The following FOXK1 variants were observed in gnomAD, a reference collection of about 807,000 sequenced individuals.
FOXK1 encodes forkhead box protein K1.
Under a neutral mutation model 51.9 loss-of-function variants are expected in FOXK1, and 19 were observed. The ratio of observed to expected loss-of-function variants is 0.37; its 90% confidence interval spans 0.26 to 0.54. The LOEUF (loss-of-function observed/expected upper bound fraction) is 0.54. Among genes scored for constraint, FOXK1 ranks in the 20% least tolerant of loss-of-function variants. The probability of loss-of-function intolerance (pLI) is 0.87; values close to 1 mark genes in which losing one functional copy is unlikely to be tolerated. For synonymous variants in FOXK1, 537 were observed against 482.6 expected (o/e 1.11, Z -1.48); for missense variants, 870 against 1,032.7 (o/e 0.84, Z 2.16).
intron 2 of FOXK1, 36 bp downstream of exon 2, chr7:4,741,059 G>T: frequency 7.1e-7 from 1 of 1,415,580 alleles, no homozygotes. Context: ...GGGCCCCCAG[G>T]AGAGAGGGGG....
At chr7:4,702,858 C>T (rs1358028065) in intron 1 of FOXK1, among the ~76,000 whole-genome samples, 4 of 152,178 alleles carry the variant, frequency 2.6e-5, no homozygotes, top group Admixed American at 2.6e-4. Context: ...TTCCTCTTCT[C>T]AGCTCTGACC....
intron 3 of FOXK1, chr7:4,754,840 C>T: frequency 3.1e-6 from 2 of 635,128 alleles, no homozygotes; most frequent in East Asian, 5.6e-5. Context: ...GTGGCGCCGT[C>T]ACCGAGGGCC....
rs915606404 is a variant in FOXK1, at chr7:4,731,954, G to C, written c.561-8884G>C. ...GCATGGAGACCTGAGGCCACACGGA[G>C]GCCGGGCTGGCCAGGGCGGGGCTCA... On this transcript the variant is annotated intron_variant, in intron 1 of 8. Transcript: ENST00000328914. This position sits in a 1 kb window ranked among gnomAD's most constrained non-coding sequence, Gnocchi z 5.3. Among the ~76,000 whole-genome samples, 3 of 152,184 alleles carry C rather than the reference G, an allele frequency of 2.0e-5. No individual in the cohort carries two copies. Among genetic ancestry groups the C allele is most frequent in the Admixed American group, 6.5e-5 (1 of 15,278 alleles).
intron 1 of FOXK1, among the ~76,000 whole-genome samples, chr7:4,712,776 C>T (rs551232619): frequency 1.1e-4 from 17 of 152,266 alleles, no homozygotes; most frequent in African/African-American, 3.6e-4. Context: ...TGTTCAAATC[C>T]GTTTATGATT....
chr7:4,746,156 G>C (rs1314110195), intron 2 of FOXK1, among the ~76,000 whole-genome samples: 1 of 152,108 alleles, frequency 6.6e-6, no homozygotes, highest in Non-Finnish European at 1.5e-5. Context: ...CGTACAATTC[G>C]GCGAAGGTCA....
intron 1 of FOXK1, among the ~76,000 whole-genome samples, chr7:4,706,177 C>G (rs1425879295): frequency 6.6e-6 from 1 of 151,860 alleles, no homozygotes; most frequent in Non-Finnish European, 1.5e-5. Context: ...AACGTCATTT[C>G]AGCGCGTTTT....
Position 4,747,475 on chromosome 7 carries a change from A to G in FOXK1, c.746+6452A>G, listed in dbSNP as rs1391000656. ...TGCACTTCAGAAACAAGTTAATTTT[A>G]TTTTCTAAATTATTATTTTTAATGC... On this transcript the variant is annotated intron_variant, in intron 2 of 8. Coordinates refer to ENST00000328914, the MANE Select transcript of FOXK1 (RefSeq NM_001037165.2). The surrounding 1 kb of genome is among the most constrained non-coding windows in gnomAD (Gnocchi z 9.2). 6.6e-6 allele frequency among the ~76,000 whole-genome samples: 1 copy of G among 151,882 alleles called. No homozygotes were observed. The highest frequency in any genetic ancestry group is 1.5e-5 in the Non-Finnish European group (1 of 67,962).
In FOXK1 at chr7:4,723,732, A is replaced by G. The variant is rs572201260; in HGVS notation, c.561-17106A>G. 2.6e-5 allele frequency among the ~76,000 whole-genome samples: 4 copies of G among 152,156 alleles called. No homozygotes were observed. The highest frequency in any genetic ancestry group is 4.8e-5 in the African/African-American group (2 of 41,514). ...TCCCAGGCTGGAGTGCAGTGGTGCA[A>G]TCGTAGCTCACTGCAGCCTCAACCT... On this transcript the variant is annotated intron_variant, in intron 1 of 8. Transcript: ENST00000328914. The surrounding 1 kb of genome is among the most constrained non-coding windows in gnomAD (Gnocchi z 4.7).
Position 4,722,008 on chromosome 7 carries a change from A to C in FOXK1, c.561-18830A>C, listed in dbSNP as rs1237895873. 6.6e-6 allele frequency among the ~76,000 whole-genome samples: 1 copy of C among 152,228 alleles called. No homozygotes were observed. The highest frequency in any genetic ancestry group is 1.5e-5 in the Non-Finnish European group (1 of 68,034). ...GCACAGCCGTGTTACTTTCTCCCAA[A>C]GGAGGCAGCCGGGGTGAGACTGGTG... On this transcript the variant is annotated intron_variant, in intron 1 of 8. Coordinates refer to ENST00000328914, the MANE Select transcript of FOXK1 (RefSeq NM_001037165.2). The surrounding 1 kb of genome is among the most constrained non-coding windows in gnomAD (Gnocchi z 5.1).
chr7:4,732,754 T>C (rs141731885), intron 1 of FOXK1, among the ~76,000 whole-genome samples: 1 of 152,248 alleles, frequency 6.6e-6, no homozygotes, highest in South Asian at 2.1e-4. Context: ...TTCGCCCTGT[T>C]GTAGACACAC....
intron 2 of FOXK1, among the ~76,000 whole-genome samples, chr7:4,742,501 C>T (rs1357517155): frequency 1.3e-5 from 2 of 152,192 alleles, no homozygotes; most frequent in Non-Finnish European, 2.9e-5. Context: ...GCTGCAGCCT[C>T]CAACTCCTGG....
Position 4,757,143 on chromosome 7 carries a change from G to A in FOXK1, c.1200G>A (p.Arg400=). The stretch of plus-strand genomic sequence containing the variant: ...AGGCATTCCGGAAACGGAGGCAGAG[G>A]GGTGTCTCCTGCTTCCGCACCCCCT... The part of the protein sequence containing the change: ...VEQAFRKRRQ[R]GVSCFRTPFG... The change falls in exon 5 of 9, where the codon AGG becomes AGA. Residue 400 remains arginine (R), a synonymous_variant. Coordinates refer to ENST00000328914, the MANE Select transcript of FOXK1 (RefSeq NM_001037165.2). 1 of 1,612,716 alleles carries A rather than the reference G, an allele frequency of 6.2e-7. No individual in the cohort carries two copies. Among genetic ancestry groups the A allele is most frequent in the Non-Finnish European group, 8.5e-7 (1 of 1,179,818 alleles).
rs2115038924 is a variant in FOXK1, at chr7:4,707,227, G to C, written c.560+24359G>C. On this transcript the variant is annotated intron_variant, in intron 1 of 8. Transcript: ENST00000328914. This position sits in a 1 kb window ranked among gnomAD's most constrained non-coding sequence, Gnocchi z 4.1. ...CTAACGGAGAGGGAAGAGGTGCGGGGAGCTCAGGGCGTTCGGGGTGGTGTT... is the reference window on the plus strand; with the variant it reads ...CTAACGGAGAGGGAAGAGGTGCGGGCAGCTCAGGGCGTTCGGGGTGGTGTT... Among the ~76,000 whole-genome samples, 1 of 152,312 alleles carries C rather than the reference G, an allele frequency of 6.6e-6. No individual in the cohort carries two copies. The highest frequency in any genetic ancestry group is 2.1e-4 in the South Asian group (1 of 4,832).
intron 1 of FOXK1, among the ~76,000 whole-genome samples, chr7:4,717,488 GCTGGGAGGCGT>G: frequency 7.3e-6 from 1 of 137,602 alleles, no homozygotes; most frequent in Admixed American, 7.0e-5. Context: ...GAGGCATGTG[GCTGGGAGGCGT>G]ATGGCTGGGA....
rs537000049 is a variant in FOXK1, at chr7:4,734,579, A to G, written c.561-6259A>G. On this transcript the variant is annotated intron_variant, in intron 1 of 8. Coordinates refer to ENST00000328914, the MANE Select transcript of FOXK1 (RefSeq NM_001037165.2). This position sits in a 1 kb window ranked among gnomAD's most constrained non-coding sequence, Gnocchi z 5.2. ...CCCCCGGCCCACCCCCCCGCTGCCC[A>G]AGTGTGCGTGGGCATCGGTGCACGG... 1.7e-4 allele frequency among the ~76,000 whole-genome samples: 26 copies of G among 152,196 alleles called. No homozygotes were observed. Among genetic ancestry groups the G allele is most frequent in the African/African-American group, 6.0e-4 (25 of 41,548 alleles).
chr7:4,760,186 A>G (rs918501966), intron 7 of FOXK1, among the ~76,000 whole-genome samples: 24 of 152,208 alleles, frequency 1.6e-4, no homozygotes, highest in Non-Finnish European at 2.6e-4. Context: ...CTGCAGGAGA[A>G]AGAATGAGCC....
At chr7:4,716,375 A>G (rs1233429696) in intron 1 of FOXK1, among the ~76,000 whole-genome samples, 11 of 152,162 alleles carry the variant, frequency 7.2e-5, no homozygotes, top group Non-Finnish European at 1.5e-5. Flanking sequence ...ATGTGGTGGC[A>G]TGCACCCATA....
At position 4,748,259 on chromosome 7, in the gene FOXK1, G is replaced by A. The variant is rs569928304; in HGVS notation, c.747-6200G>A. On this transcript the variant is annotated intron_variant, in intron 2 of 8. Transcript: ENST00000328914. This position sits in a 1 kb window ranked among gnomAD's most constrained non-coding sequence, Gnocchi z 4.9. ...ACTTCTGTGTCTCTGAGTCGTATTC[G>A]TACGTGACTGTCTCTTGGTTTTTCC... Among the ~76,000 whole-genome samples, 45 of 152,206 alleles carry A rather than the reference G, an allele frequency of 3.0e-4. No homozygotes were observed. The highest frequency in any genetic ancestry group is 5.3e-4 in the African/African-American group (22 of 41,530).
chr7:4,717,244 G>A (rs1457525422), intron 1 of FOXK1, among the ~76,000 whole-genome samples: 2 of 145,278 alleles, frequency 1.4e-5, no homozygotes, highest in Admixed American at 1.4e-4. Flanking sequence ...GAGGCATGTG[G>A]CTGGAAGGTG....
Sources: gnomAD v4.1 joint callset for allele counts (sites outside exome capture counted in the v4.1 genomes callset) on GRCh38, gnomAD v4.1.1 for gene constraint, Gnocchi (gnomAD v3.1) non-coding constraint, MANE v1.5 for transcripts, NCBI Gene and HGNC (gene_info 2026-07-23, HGNC 2026-07-21) for gene names.